The following PDZD2 variants were observed in gnomAD, a reference collection of about 807,000 sequenced individuals.
The protein encoded by PDZD2 is PDZ domain-containing protein 2.
PDZD2 carries 90 observed loss-of-function variants against 220.7 expected under a neutral mutation model. The ratio of observed to expected loss-of-function variants is 0.41; its 90% CI spans 0.34 to 0.49. PDZD2 has a LOEUF of 0.49. Among genes scored for constraint, PDZD2 ranks in the 20% least tolerant of loss-of-function variants. The probability of loss-of-function intolerance (pLI) is 0.28; values close to 1 mark genes in which losing one functional copy is unlikely to be tolerated. For missense variants in PDZD2, 3,174 were observed against 3,608.5 expected (o/e 0.88, Z 3.08); for synonymous variants, 1,375 against 1,450.5 (o/e 0.95, Z 1.18).
chr5:31,733,847 G>A (rs2150158536), intron 1 of PDZD2, among the ~76,000 whole-genome samples: 1 of 152,244 alleles, frequency 6.6e-6, no homozygotes, highest in African/African-American at 2.4e-5. Context: ...CCAGATATGG[G>A]GATTTCTTCA....
chr5:31,869,291 G>A (rs1246189151), intron 2 of PDZD2, among the ~76,000 whole-genome samples: 2 of 152,150 alleles, frequency 1.3e-5, no homozygotes, highest in East Asian at 1.9e-4. Context: ...AGCCCTCACC[G>A]CTTGGGCTTC....
At chr5:31,873,033 A>C (rs192632298) in intron 2 of PDZD2, among the ~76,000 whole-genome samples, 28 of 152,206 alleles carry the variant, frequency 1.8e-4, no homozygotes, top group African/African-American at 6.3e-4. Context: ...ATTTTTACAC[A>C]ATGACAATTA....
At chr5:32,003,689 G>C (rs576353874) in intron 5 of PDZD2, among the ~76,000 whole-genome samples, 2 of 151,970 alleles carry the variant, frequency 1.3e-5, no homozygotes, top group African/African-American at 4.8e-5. Flanking sequence ...TCTCTTGTTA[G>C]TTTTTTTGTT....
At chr5:32,081,605 T>TG (rs1264630057) in intron 19 of PDZD2, among the ~76,000 whole-genome samples, 1 of 152,248 alleles carries the variant, frequency 6.6e-6, no homozygotes, top group Non-Finnish European at 1.5e-5. Flanking sequence ...AAAGGCTATC[T>TG]GTGACCAGTT....
At chr5:31,776,440 T>G (rs999293004) in intron 1 of PDZD2, among the ~76,000 whole-genome samples, 4 of 148,198 alleles carry the variant, frequency 2.7e-5, no homozygotes, top group African/African-American at 1.0e-4. Flanking sequence ...CCCCATACAT[T>G]GTGTTTTTAT....
intron 7 of PDZD2, among the ~76,000 whole-genome samples, chr5:32,047,484 G>T (rs73072270): frequency 0.016 from 2,459 of 152,304 alleles, 59 homozygotes; most frequent in African/African-American, 0.056. Context: ...AGCTTTGTTT[G>T]TAGGGCTCAC....
At chr5:31,815,245 CAAAA>C (rs59040987) in intron 2 of PDZD2, among the ~76,000 whole-genome samples, 3 of 57,938 alleles carry the variant, frequency 5.2e-5, no homozygotes, top group Admixed American at 2.4e-4. Context: ...AACTCTGTCT[CAAAA>C]AAAAAAAAAA....
intron 6 of PDZD2, among the ~76,000 whole-genome samples, chr5:32,031,690 G>GT (rs1037491465): frequency 1.1e-4 from 16 of 151,902 alleles, no homozygotes; most frequent in Non-Finnish European, 2.2e-4. Context: ...CTGAGACCTG[G>GT]GGGGAGAAAG....
chr5:31,779,497 C>A (rs1181975934), intron 1 of PDZD2, among the ~76,000 whole-genome samples: 1 of 151,538 alleles, frequency 6.6e-6, no homozygotes, highest in African/African-American at 2.4e-5. Context: ...CCTCAGCCTC[C>A]CGAGTAGCTG....
intron 1 of PDZD2, chr5:31,738,732 G>A (rs563499414): frequency 6.6e-6 from 1 of 152,206 alleles, no homozygotes; most frequent in African/African-American, 2.4e-5. Context: ...GAAATGAAAT[G>A]AAATAAAAGC....
intron 1 of PDZD2, among the ~76,000 whole-genome samples, chr5:31,673,743 G>A (rs184737344): frequency 2.4e-3 from 369 of 152,280 alleles, no homozygotes; most frequent in African/African-American, 8.2e-3. Context: ...GGCAGAGGCA[G>A]GTGGATCATC....
chr5:31,722,690 T>C (rs1748875119), intron 1 of PDZD2, among the ~76,000 whole-genome samples: 1 of 145,246 alleles, frequency 6.9e-6, no homozygotes, highest in Admixed American at 6.9e-5. Flanking sequence ...TGGGTTGTTT[T>C]TTTGTTGTTT....
chr5:31,830,910 G>A (rs1276341742), intron 2 of PDZD2, among the ~76,000 whole-genome samples: 2 of 152,184 alleles, frequency 1.3e-5, no homozygotes, highest in East Asian at 3.8e-4. Context: ...TTGTGGCACA[G>A]CTCAGACAGC....
At position 31,725,868 on chromosome 5, in the gene PDZD2, C is replaced by T. The variant is rs535094147; in HGVS notation, c.-360-73021C>T. The T allele has an allele frequency of 6.5e-6, 5 of 769,994 alleles. No individual in the cohort carries two copies. In the South Asian group the frequency reaches 6.8e-5, roughly 11 times the overall value. The allele number at this position is 769,994 out of a possible 1,614,324, so 47.7% of individuals were successfully genotyped here. On this transcript the variant is annotated intron_variant, in intron 1 of 24. Transcript: ENST00000438447. ...TGGCTTCTGCTACGCCGTGGTCTTC[C>T]AGTTGGTCTTTTTCTAGGACTATAC...
Position 31,791,921 on chromosome 5 carries a change from GT to G in PDZD2, c.-360-6967del, listed in dbSNP as rs1380889765. Among the ~76,000 whole-genome samples, 26 of 152,224 alleles carry G rather than the reference GT, an allele frequency of 1.7e-4. No individual in the cohort carries two copies. The East Asian group carries it at 4.8e-3, about 28-fold the overall frequency. On this transcript the variant is annotated intron_variant, in intron 1 of 24. Coordinates refer to ENST00000438447, the MANE Select transcript of PDZD2 (RefSeq NM_178140.4). ...GTAATTCAGATAATTGGTTGGACTG[GT>G]AAAAATCCACATAACAGCGACTTAA... is the stretch of plus-strand genomic sequence containing the variant.
intron 2 of PDZD2, among the ~76,000 whole-genome samples, chr5:31,802,039 G>A (rs535541943): frequency 2.6e-5 from 4 of 152,260 alleles, no homozygotes; most frequent in Admixed American, 6.5e-5. Flanking sequence ...AAGGTGATGG[G>A]CCAGGGTCAT....
intron 14 of PDZD2, among the ~76,000 whole-genome samples, chr5:32,064,112 T>C (rs1165446443): frequency 1.3e-5 from 2 of 152,226 alleles, no homozygotes; most frequent in Non-Finnish European, 2.9e-5. Context: ...ATCTCTTCTA[T>C]ACTTGTACAG....
intron 6 of PDZD2, among the ~76,000 whole-genome samples, chr5:32,035,974 C>G (rs1307007704): frequency 6.6e-6 from 1 of 151,786 alleles, no homozygotes; most frequent in African/African-American, 2.4e-5. Context: ...GACAGAGTCT[C>G]GCTCTGTCGC....
chr5:31,751,470 T>C (rs1338582124), intron 1 of PDZD2, among the ~76,000 whole-genome samples: 1 of 152,116 alleles, frequency 6.6e-6, no homozygotes, highest in African/African-American at 2.4e-5. Context: ...GGTGAGAGAC[T>C]GGGTTTTGAG....
Sources: allele counts gnomAD v4.1 joint callset (sites outside exome capture counted in the v4.1 genomes callset), GRCh38; gene constraint gnomAD v4.1.1; transcripts MANE v1.5; gene names NCBI Gene and HGNC (gene_info 2026-07-23, HGNC 2026-07-21).